GRXCR1: variants seen among roughly 807,000 people sequenced by gnomAD.
The protein encoded by GRXCR1 is glutaredoxin domain-containing cysteine-rich protein 1.
GRXCR1 carries 27 observed loss-of-function variants against 27.3 expected under a neutral mutation model. The observed-to-expected ratio is 0.99, with a 90% CI of 0.73 to 1.37. GRXCR1 has a LOEUF of 1.37. Ranked by LOEUF, GRXCR1 falls within the 40% of genes most tolerant of loss-of-function variation. The pLI is 0.00. For synonymous variants in GRXCR1, 122 were observed against 131.1 expected (o/e 0.93, Z 0.47); for missense variants, 379 against 354.4 (o/e 1.07, Z -0.56).
intron 2 of GRXCR1, among the ~76,000 whole-genome samples, chr4:42,997,746 C>T (rs1379011901): frequency 6.6e-6 from 1 of 152,154 alleles, no homozygotes; most frequent in Non-Finnish European, 1.5e-5. Context: ...AGCAGCCAAT[C>T]GTAAGCCTGT....
At chr4:42,982,936 T>C (rs1711538543) in intron 2 of GRXCR1, among the ~76,000 whole-genome samples, 1 of 152,028 alleles carries the variant, frequency 6.6e-6, no homozygotes, top group Non-Finnish European at 1.5e-5. Flanking sequence ...TTTGAGTTCA[T>C]TGTAGATTCT....
chr4:42,908,907 A>G (rs1746656944), intron 1 of GRXCR1, among the ~76,000 whole-genome samples: 2 of 152,090 alleles, frequency 1.3e-5, no homozygotes, highest in South Asian at 4.1e-4. Flanking sequence ...TGGAGAGAGG[A>G]GTGTTAAATA....
intron 2 of GRXCR1, among the ~76,000 whole-genome samples, chr4:43,016,056 T>C (rs1300046636): frequency 6.6e-6 from 1 of 152,224 alleles, no homozygotes; most frequent in East Asian, 1.9e-4. Context: ...GTTTAGAAAC[T>C]CTTGACTTAG....
chr4:42,938,591 T>G (rs569113349), intron 1 of GRXCR1, among the ~76,000 whole-genome samples: 1 of 152,182 alleles, frequency 6.6e-6, no homozygotes, highest in South Asian at 2.1e-4. Flanking sequence ...CAGACCAATG[T>G]ACTGGAGATT....
chr4:42,962,981 G>C lies in GRXCR1; in HGVS notation c.474G>C (p.Leu158=). 2 of 1,612,848 alleles carry C rather than the reference G, an allele frequency of 1.2e-6. No homozygotes were observed. The highest frequency in any genetic ancestry group is 1.7e-6 in the Non-Finnish European group (2 of 1,179,154). The change falls in exon 2 of 4, where the codon CTG becomes CTC. Residue 158 remains leucine, a synonymous_variant. Coordinates refer to ENST00000399770, the MANE Select transcript of GRXCR1 (RefSeq NM_001080476.3). ...VVRTTFERCE[L]VRKIFQNHRV... ...GGACAACCTTTGAAAGATGTGAACT[G>C]GTTAGAAAGATTTTCCAAAACCATC... is the stretch of plus-strand genomic sequence containing the variant.
chr4:42,897,148 C>T (rs1746364560), intron 1 of GRXCR1, among the ~76,000 whole-genome samples: 1 of 152,130 alleles, frequency 6.6e-6, no homozygotes, highest in Admixed American at 6.6e-5. Context: ...TAGCTCATAC[C>T]TGTCAGTACA....
chr4:42,978,105 G>A (rs927547233), intron 2 of GRXCR1, among the ~76,000 whole-genome samples: 2 of 152,068 alleles, frequency 1.3e-5, no homozygotes, highest in South Asian at 4.1e-4. Flanking sequence ...AAATATGTTG[G>A]CTGCAAATGT....
chr4:42,943,417 C>T (rs1026076291), intron 1 of GRXCR1, among the ~76,000 whole-genome samples: 5 of 152,012 alleles, frequency 3.3e-5, no homozygotes, highest in Non-Finnish European at 5.9e-5. Flanking sequence ...TGTTCATTCC[C>T]AAACTTACAC....
chr4:42,965,478 A>G (rs1222325322), intron 2 of GRXCR1, among the ~76,000 whole-genome samples: 1 of 152,040 alleles, frequency 6.6e-6, no homozygotes, highest in Non-Finnish European at 1.5e-5. Context: ...AATGGAATAC[A>G]TTGCTTGAAT....
Position 43,001,385 on chromosome 4 carries a change from A to T in GRXCR1, c.628-18969A>T, listed in dbSNP as rs77690611. 2.3e-3 allele frequency among the ~76,000 whole-genome samples: 353 copies of T among 152,266 alleles called. 1 individual carries two copies. Among genetic ancestry groups the T allele is most frequent in the African/African-American group, 8.2e-3 (339 of 41,566 alleles). ...AGGGCTTGATGGTAGACTTTGCAGA[A>T]GGTCAAGCTCGCTCTCTTATTTGAG... On this transcript the variant is annotated intron_variant, in intron 2 of 3. Coordinates refer to ENST00000399770, the MANE Select transcript of GRXCR1 (RefSeq NM_001080476.3).
intron 3 of GRXCR1, among the ~76,000 whole-genome samples, chr4:43,027,874 C>T (rs1713304905): frequency 6.6e-6 from 1 of 152,098 alleles, no homozygotes; most frequent in Non-Finnish European, 1.5e-5. Flanking sequence ...CTTTGGGAGG[C>T]CGAGGTGGGT....
At chr4:42,971,373 G>C (rs1479292611) in intron 2 of GRXCR1, among the ~76,000 whole-genome samples, 1 of 151,982 alleles carries the variant, frequency 6.6e-6, no homozygotes, top group Non-Finnish European at 1.5e-5. Flanking sequence ...TCCTGTATTA[G>C]TTCATTTTCA....
At chr4:42,920,734 T>C (rs1313649564) in intron 1 of GRXCR1, among the ~76,000 whole-genome samples, 1 of 152,152 alleles carries the variant, frequency 6.6e-6, no homozygotes, top group Non-Finnish European at 1.5e-5. Flanking sequence ...TTAAAAATAA[T>C]TTTTGGAATA....
intron 1 of GRXCR1, among the ~76,000 whole-genome samples, chr4:42,947,977 A>C (rs1315932100): frequency 1.3e-5 from 2 of 152,186 alleles, no homozygotes; most frequent in Non-Finnish European, 2.9e-5. Flanking sequence ...GCTTTAATTA[A>C]AGCAACCTAA....
chr4:42,997,030 T>C (rs182843429), intron 2 of GRXCR1, among the ~76,000 whole-genome samples: 1 of 152,260 alleles, frequency 6.6e-6, no homozygotes, highest in East Asian at 1.9e-4. Context: ...CAGTCTCTTA[T>C]GTTTAGTTGG....
At chr4:42,927,510 AC>A (rs969168170) in intron 1 of GRXCR1, among the ~76,000 whole-genome samples, 14 of 151,980 alleles carry the variant, frequency 9.2e-5, no homozygotes, top group Admixed American at 7.2e-4. Context: ...AAAATGCTAA[AC>A]TTTTCACTAG....
Position 43,022,574 on chromosome 4 carries a change from G to A in GRXCR1, c.693+2155G>A, listed in dbSNP as rs186229761. On this transcript the variant is annotated intron_variant, in intron 3 of 3. Transcript: ENST00000399770. ...CTTTCTACTGTTATAGGAACTCTGC[G>A]GTGCCATCACTATGTTCGGCTGCTT... Among the ~76,000 whole-genome samples the A allele has an allele frequency of 4.1e-4, 62 of 152,210 alleles. 1 individual carries two copies. The highest frequency in any genetic ancestry group is 3.5e-3 in the Admixed American group (54 of 15,294).
chr4:42,894,095 C>T (rs6815913), intron 1 of GRXCR1, among the ~76,000 whole-genome samples: 103,536 of 152,014 alleles, frequency 0.68, 38,098 homozygotes, highest in Non-Finnish European at 0.82. Flanking sequence ...TTGGGTTCAA[C>T]TGGAAGGTTG....
chr4:42,923,365 T>C (rs1747066506), intron 1 of GRXCR1, among the ~76,000 whole-genome samples: 1 of 152,150 alleles, frequency 6.6e-6, no homozygotes, highest in Non-Finnish European at 1.5e-5. Context: ...CTTACATTCT[T>C]GGCTTACAAC....
Sources: gnomAD v4.1 joint callset for allele counts (sites outside exome capture counted in the v4.1 genomes callset) on GRCh38, gnomAD v4.1.1 for gene constraint, MANE v1.5 for transcripts, NCBI Gene and HGNC (gene_info 2026-07-23, HGNC 2026-07-21) for gene names.